Variants in RPH3AL observed in about 807,000 individuals in gnomAD.
RPH3AL encodes rabphilin 3A like (without C2 domains).
RPH3AL carries 38 observed loss-of-function variants against 43.1 expected under a neutral mutation model. That is an observed-to-expected ratio of 0.88 (90% CI 0.68 to 1.15). The LOEUF (loss-of-function observed/expected upper bound fraction) is 1.15. RPH3AL is among the 50% of genes most tolerant of loss of function. The probability of loss-of-function intolerance (pLI) is 0.00; values close to 1 mark genes in which losing one functional copy is unlikely to be tolerated. For missense variants in RPH3AL, 462 were observed against 423.2 expected, an observed-to-expected ratio of 1.09 and a Z score of -0.81; for synonymous variants, 189 against 176.3, an observed-to-expected ratio of 1.07 and a Z score of -0.57.
rs941907627 is a variant in RPH3AL at position 314,114 on chromosome 17, A to C, written c.351+5306T>G. On this transcript the variant is annotated intron_variant, in intron 5 of 9. Coordinates refer to ENST00000331302, the MANE Select transcript of RPH3AL (RefSeq NM_006987.4). ...CACTGTTGCCTAAGACATGGCTCCA[A>C]GGAGCACCTGTACTAACCGTTGCAC... 1.3e-5 allele frequency among the ~76,000 whole-genome samples: 2 copies of C among 152,316 alleles called. 1 individual carries two copies. The highest frequency in any genetic ancestry group is 3.9e-4 in the East Asian group (2 of 5,180).
intron 7 of RPH3AL, among the ~76,000 whole-genome samples, chr17:221,615 C>T (rs2040978054): frequency 7.0e-6 from 1 of 142,758 alleles, no homozygotes; most frequent in African/African-American, 2.8e-5. Flanking sequence ...AGACAATAGA[C>T]CCAAGCACAA....
chr17:242,036 G>T (rs950076443), intron 7 of RPH3AL, among the ~76,000 whole-genome samples: 1 of 152,100 alleles, frequency 6.6e-6, no homozygotes, highest in Non-Finnish European at 1.5e-5. Context: ...AGAATTGCTT[G>T]AATCCAAAAG....
intron 6 of RPH3AL, among the ~76,000 whole-genome samples, chr17:272,892 C>G (rs1223855834): frequency 2.6e-5 from 4 of 151,040 alleles, no homozygotes; most frequent in Admixed American, 6.6e-5. Flanking sequence ...GACCCAGCCT[C>G]AGTGGGCCAG....
chr17:250,565 G>A (rs1279944482), intron 6 of RPH3AL, among the ~76,000 whole-genome samples: 1 of 140,196 alleles, frequency 7.1e-6, no homozygotes, highest in South Asian at 2.3e-4. Flanking sequence ...ACTTCTCAGA[G>A]TCTTTACTAA....
chr17:325,683 G>T (rs1031900229), intron 3 of RPH3AL, among the ~76,000 whole-genome samples: 31 of 152,152 alleles, frequency 2.0e-4, no homozygotes, highest in Non-Finnish European at 2.9e-5. Context: ...TTCAAATAAT[G>T]CTCACCTCTG....
intron 5 of RPH3AL, among the ~76,000 whole-genome samples, chr17:313,056 G>A (rs914690610): frequency 2.6e-5 from 4 of 152,186 alleles, no homozygotes; most frequent in Non-Finnish European, 5.9e-5. Flanking sequence ...TGCTCAGGGT[G>A]GACCAAGCGA....
chr17:299,662 G>C (rs1044033627), intron 5 of RPH3AL, among the ~76,000 whole-genome samples: 4 of 152,236 alleles, frequency 2.6e-5, no homozygotes, highest in African/African-American at 9.6e-5. Flanking sequence ...AAGAATCGCA[G>C]GCCTCCCGAA....
chr17:280,762 A>G (rs943642742), intron 6 of RPH3AL, among the ~76,000 whole-genome samples: 2 of 152,140 alleles, frequency 1.3e-5, no homozygotes, highest in Non-Finnish European at 2.9e-5. Context: ...AGAAATAAAC[A>G]AGAAAGAGCA....
chr17:263,282 C>T (rs1217033354), intron 6 of RPH3AL, among the ~76,000 whole-genome samples: 2 of 152,146 alleles, frequency 1.3e-5, no homozygotes, highest in Non-Finnish European at 2.9e-5. Context: ...AAGTCACAAA[C>T]TTAATCAAAG....
At chr17:227,987 G>GGAC (rs2041144694) in intron 7 of RPH3AL, among the ~76,000 whole-genome samples, 1 of 152,316 alleles carries the variant, frequency 6.6e-6, no homozygotes, top group South Asian at 2.1e-4. Context: ...CAGAGACGCA[G>GGAC]GACTGTCTGT....
At chr17:273,103 A>G (rs1414557270) in intron 6 of RPH3AL, among the ~76,000 whole-genome samples, 6 of 120,930 alleles carry the variant, frequency 5.0e-5, no homozygotes, top group African/African-American at 1.2e-4. Context: ...GGGTGACGTC[A>G]GGGAGAGACC....
chr17:262,186 A>T (rs909346996), intron 6 of RPH3AL, among the ~76,000 whole-genome samples: 3 of 151,984 alleles, frequency 2.0e-5, no homozygotes, highest in Admixed American at 6.6e-5. Flanking sequence ...TAAAAATGTG[A>T]TCCTCACATA....
chr17:302,861 G>A (rs1023871780), intron 5 of RPH3AL, among the ~76,000 whole-genome samples: 5 of 152,242 alleles, frequency 3.3e-5, no homozygotes, highest in East Asian at 1.9e-4. Context: ...TCCACCCTGC[G>A]AACATTTGTG....
rs746984273 is a variant in RPH3AL, at chr17:213,894, AGCGGGGGCTCGTCCAGGTGT to A, written c.886_905del (p.Thr296CysfsTer2). 4.5e-5 allele frequency: 72 copies of A among 1,613,764 alleles called. No individual in the cohort carries two copies. The Admixed American group carries it at 9.8e-4, about 22-fold the overall frequency. ...AGGGGCCTGCTGGAGCTGCGTCAGC[AGCGGGGGCTCGTCCAGGTGT>A]GTCTTTTACCTTTGGATGAGAGAAA... On this transcript the variant is annotated frameshift_variant, in exon 10 of 10. Transcript: ENST00000331302. LOFTEE classifies it high-confidence loss of function.
chr17:275,827 G>C (rs2042642817), intron 6 of RPH3AL, among the ~76,000 whole-genome samples: 1 of 152,224 alleles, frequency 6.6e-6, no homozygotes, highest in Non-Finnish European at 1.5e-5. Context: ...GATTACAGGT[G>C]TGAGCCACCA....
Position 264,167 on chromosome 17 carries a change from C to T in RPH3AL, c.439-16882G>A, listed in dbSNP as rs1555547218. Among the ~76,000 whole-genome samples the T allele has an allele frequency of 6.6e-6, 1 of 152,200 alleles. No individual in the cohort carries two copies. The highest frequency in any genetic ancestry group is 1.5e-5 in the Non-Finnish European group (1 of 68,042). ...GTGAGGTGTACTGAGGTAACATACA[C>T]ACTTGTTTCTAGCATTGTTTTCTGC... On this transcript the variant is annotated intron_variant, in intron 6 of 9. Coordinates refer to ENST00000331302, the MANE Select transcript of RPH3AL (RefSeq NM_006987.4). The surrounding 1 kb of genome is among the most constrained non-coding windows in gnomAD (Gnocchi z 4.8).
At chr17:247,999 C>T (rs1335610369) in intron 6 of RPH3AL, among the ~76,000 whole-genome samples, 2 of 152,144 alleles carry the variant, frequency 1.3e-5, no homozygotes, top group African/African-American at 4.8e-5. Context: ...CAAGTACCTG[C>T]AGGCACCTCA....
At chr17:351,125 C>T (rs971636289) in intron 1 of RPH3AL, among the ~76,000 whole-genome samples, 2 of 152,174 alleles carry the variant, frequency 1.3e-5, no homozygotes, top group East Asian at 1.9e-4. Context: ...TGTCCACCTC[C>T]GACCTACCTC....
In RPH3AL at chr17:327,458, G is replaced by C. The variant is rs1400278135; in HGVS notation, c.77+9C>G. On this transcript the variant is annotated intron_variant, in intron 3 of 9. Transcript: ENST00000331302. ...AAGGGACGGCCTGGGGGGCCCCAGA[G>C]GTACTCACTTGGCTCGAAGGGCAAG... 34 of 1,613,396 alleles carry C rather than the reference G, an allele frequency of 2.1e-5. No homozygotes were observed. Among genetic ancestry groups the C allele is most frequent in the Middle Eastern group, 3.3e-4 (2 of 6,078 alleles).
Sources: gnomAD v4.1 joint callset for allele counts (sites outside exome capture counted in the v4.1 genomes callset) on GRCh38, gnomAD v4.1.1 for gene constraint, Gnocchi (gnomAD v3.1) non-coding constraint, MANE v1.5 for transcripts, NCBI Gene and HGNC (gene_info 2026-07-23, HGNC 2026-07-21) for gene names.